The following HOPX variants were observed in gnomAD, a reference collection of about 807,000 sequenced individuals.
The protein encoded by HOPX is HOP homeobox.
Under a neutral mutation model 11.8 loss-of-function variants are expected in HOPX, and 5 were observed. That is an observed-to-expected ratio of 0.43 (90% CI 0.22 to 0.89). The LOEUF (loss-of-function observed/expected upper bound fraction) is 0.89. Ranked by LOEUF, HOPX falls within the 40% of genes least tolerant of loss-of-function variation. HOPX has a pLI of 0.28. For synonymous variants in HOPX, 49 were observed against 49.7 expected (o/e 0.99, Z 0.06); for missense variants, 119 against 120.0 (o/e 0.99, Z 0.04).
At chr4:56,659,683 C>A (rs1717992138) in intron 1 of HOPX, 1 of 152,156 alleles carries the variant, frequency 6.6e-6, no homozygotes, top group Admixed American at 6.5e-5. Context: ...ACCTCTTGAA[C>A]CAGAACTGCA....
chr4:56,652,295 C>T (rs1389051217), intron 3 of HOPX, among the ~76,000 whole-genome samples: 2 of 152,154 alleles, frequency 1.3e-5, no homozygotes, highest in Non-Finnish European at 2.9e-5. Flanking sequence ...AGTATCGGCC[C>T]TGTGAATCAG....
rs749858600 is a variant in HOPX at position 56,657,750 on chromosome 4, A to G, written c.42+25T>C. 3.1e-6 allele frequency: 3 copies of G among 966,544 alleles called. No homozygotes were observed. The South Asian group carries it at 4.1e-5, about 13-fold the overall frequency. The allele number at this position is 966,544 out of a possible 1,614,324, so 59.9% of individuals were successfully genotyped here. A position where few individuals can be genotyped will look rare whatever the true frequency, so the allele number is the denominator to read the frequency against. On this transcript the variant is annotated intron_variant, in intron 2 of 3. Transcript: ENST00000420433. ...CCGTACCTTTGACACACAACTTCAG[A>G]GCTGGGAAGAACCTTGGAAATTACC...
intron 3 of HOPX, among the ~76,000 whole-genome samples, chr4:56,651,867 AGAGAGAGTGTGTGT>A (rs756466145): frequency 1.9e-4 from 25 of 128,356 alleles, no homozygotes; most frequent in African/African-American, 3.8e-4. Flanking sequence ...AAAGAGAGAG[AGAGAGAGTGTGTGT>A]GTGTGTGTGT....
At chr4:56,660,123 C>T (rs945823987) in intron 1 of HOPX, among the ~76,000 whole-genome samples, 2 of 152,212 alleles carry the variant, frequency 1.3e-5, no homozygotes, top group African/African-American at 4.8e-5. Context: ...GTTCATCACA[C>T]ACATTTTAAG....
At chr4:56,657,571 C>G (rs572296639) in intron 2 of HOPX, among the ~76,000 whole-genome samples, 39 of 152,296 alleles carry the variant, frequency 2.6e-4, no homozygotes, top group African/African-American at 8.9e-4. Context: ...GAGTCTGGCT[C>G]AAGTCACTTG....
intron 1 of HOPX, among the ~76,000 whole-genome samples, chr4:56,678,487 C>G (rs1487563622): frequency 4.8e-5 from 7 of 146,084 alleles, no homozygotes; most frequent in Non-Finnish European, 1.0e-4. Flanking sequence ...GCTCTGCCAC[C>G]CAGGCAGGAG....
chr4:56,658,560 G>T (rs771022537), intron 1 of HOPX, among the ~76,000 whole-genome samples: 4 of 152,190 alleles, frequency 2.6e-5, no homozygotes, highest in Non-Finnish European at 5.9e-5. Flanking sequence ...AAAGCTCTCA[G>T]CCCTTTGCTT....
intron 1 of HOPX, chr4:56,676,609 A>C (rs1719029312): frequency 6.6e-6 from 1 of 151,392 alleles, no homozygotes; most frequent in Admixed American, 6.6e-5. Flanking sequence ...TTTGGCTTCC[A>C]AGTAGGGGCA....
chr4:56,676,159 G>T (rs1191281428), intron 1 of HOPX, among the ~76,000 whole-genome samples: 1 of 151,524 alleles, frequency 6.6e-6, no homozygotes, highest in Admixed American at 6.6e-5. Context: ...TTAGCCAGGT[G>T]TGGTGGTGTG....
chr4:56,651,616 G>A (rs1002633051), intron 3 of HOPX, among the ~76,000 whole-genome samples: 5 of 152,134 alleles, frequency 3.3e-5, no homozygotes, highest in African/African-American at 9.7e-5. Context: ...ACACTGTGAT[G>A]GGTAGGGGCT....
chr4:56,661,032 T>C (rs12508836), intron 1 of HOPX, among the ~76,000 whole-genome samples: 36,331 of 152,100 alleles, frequency 0.24, 4,726 homozygotes, highest in Middle Eastern at 0.33. Flanking sequence ...TAGCTCACTG[T>C]AACTCCTGGG....
At chr4:56,667,874 C>A (rs35229102) in intron 1 of HOPX, among the ~76,000 whole-genome samples, 6,559 of 152,188 alleles carry the variant, frequency 0.043, 227 homozygotes, top group Middle Eastern at 0.099. Flanking sequence ...TAAAGGGACC[C>A]GATATCCAGG....
intron 1 of HOPX, among the ~76,000 whole-genome samples, chr4:56,667,376 A>G (rs1718493579): frequency 6.6e-6 from 1 of 152,152 alleles, no homozygotes; most frequent in African/African-American, 2.4e-5. Context: ...TCTATTATCC[A>G]GTTTGAAAAG....
Position 56,657,220 on chromosome 4 carries a change from A to G in HOPX, c.42+555T>C, listed in dbSNP as rs145619100. Among the ~76,000 whole-genome samples the G allele has an allele frequency of 7.9e-5, 12 of 152,284 alleles. No individual in the cohort carries two copies. The East Asian group carries it at 2.1e-3, about 27-fold the overall frequency. On this transcript the variant is annotated intron_variant, in intron 2 of 3. Coordinates refer to ENST00000420433, the MANE Select transcript of HOPX (RefSeq NM_032495.6). ...ATTTAAGATGCATGAAGGTATAGAA[A>G]GTTGGAGTCTTCAAGATATCCTTGG...
rs28575875 is a variant in HOPX, at chr4:56,654,496, G to C, written c.198+1361C>G. Among the ~76,000 whole-genome samples, 1,047 of 152,296 alleles carry C rather than the reference G, an allele frequency of 6.9e-3. 12 individuals are homozygous for C. Among genetic ancestry groups the C allele is most frequent in the African/African-American group, 0.023 (971 of 41,550 alleles). ...GATTTCAAATGATAAAATTTCAGCA[G>C]GCTGCCTTCTCAGGGGATGCCAAGA... On this transcript the variant is annotated intron_variant, in intron 3 of 3. Transcript: ENST00000420433.
intron 1 of HOPX, among the ~76,000 whole-genome samples, chr4:56,677,381 C>T (rs1719072181): frequency 6.6e-6 from 1 of 151,674 alleles, no homozygotes; most frequent in South Asian, 2.1e-4. Context: ...TTGCATAAAA[C>T]TTTGATTTGC....
At chr4:56,678,284 T>TA (rs1719125462) in intron 1 of HOPX, among the ~76,000 whole-genome samples, 1 of 151,418 alleles carries the variant, frequency 6.6e-6, no homozygotes, top group Non-Finnish European at 1.5e-5. Flanking sequence ...CTTTGGCCCT[T>TA]ACTGTCCTTA....
At chr4:56,661,863 A>T (rs896937001) in intron 1 of HOPX, among the ~76,000 whole-genome samples, 1 of 152,226 alleles carries the variant, frequency 6.6e-6, no homozygotes, top group African/African-American at 2.4e-5. Flanking sequence ...GTCACCAAGA[A>T]CAATACAAAT....
intron 1 of HOPX, chr4:56,664,240 C>T (rs1046583581): frequency 2.0e-5 from 3 of 151,932 alleles, no homozygotes; most frequent in African/African-American, 4.8e-5. Context: ...AAGCAATTCT[C>T]CTGCCTCAGC....
Sources: allele counts gnomAD v4.1 joint callset (sites outside exome capture counted in the v4.1 genomes callset), GRCh38; gene constraint gnomAD v4.1.1; transcripts MANE v1.5; gene names NCBI Gene and HGNC (gene_info 2026-07-23, HGNC 2026-07-21).